Variants in ITIH5 observed in about 807,000 individuals in gnomAD.
ITIH5 encodes the protein inter-alpha-trypsin inhibitor heavy chain 5, also known as inter-alpha-trypsin inhibitor heavy chain H5.
ITIH5 carries 65 observed loss-of-function variants against 77.5 expected under a neutral mutation model. The ratio of observed to expected loss-of-function variants is 0.84; its 90% CI spans 0.69 to 1.03. The LOEUF is 1.03. Ranked by LOEUF, ITIH5 falls within the 50% of genes least tolerant of loss-of-function variation. The pLI, the probability that ITIH5 is intolerant of heterozygous loss-of-function variation, is 0.00. For synonymous variants in ITIH5, 525 were observed against 494.3 expected (o/e 1.06, Z -0.82); for missense variants, 1,208 against 1,213.1 (o/e 1.00, Z 0.06).
intron 10 of ITIH5, among the ~76,000 whole-genome samples, chr10:7,575,719 C>T (rs191511611): frequency 1.3e-5 from 2 of 152,130 alleles, no homozygotes; most frequent in African/African-American, 4.8e-5. Flanking sequence ...CACATGCTCT[C>T]GGGGAAATAA....
At chr10:7,650,951 A>G (rs920098590) in intron 2 of ITIH5, among the ~76,000 whole-genome samples, 1 of 151,976 alleles carries the variant, frequency 6.6e-6, no homozygotes, top group South Asian at 2.1e-4. Context: ...TGCCATTTTT[A>G]TTTTTATACA....
In ITIH5 at chr10:7,637,276, CCTCCAGGGATGCGATGCCCGCGCT is replaced by C; in HGVS notation, c.580_603del (p.Ser194_Glu201del). On this transcript the variant is annotated inframe_deletion, in exon 5 of 14. Transcript: ENST00000397146. Reference sequence around the variant, plus strand: ...TGCCTGCTGTTGTGAAGCGGCAGCACCTCCAGGGATGCGATGCCCGCGCTCTCCAGGATATTCACGTCCACGCTC... The same window carrying C: ...TGCCTGCTGTTGTGAAGCGGCAGCACCTCCAGGATATTCACGTCCACGCTC... 1 of 1,611,998 alleles carries C rather than the reference CCTCCAGGGATGCGATGCCCGCGCT, an allele frequency of 6.2e-7. No homozygotes were observed. The highest frequency in any genetic ancestry group is 8.5e-7 in the Non-Finnish European group (1 of 1,180,016).
At chr10:7,632,219 G>C (rs985724366) in intron 5 of ITIH5, among the ~76,000 whole-genome samples, 7 of 152,174 alleles carry the variant, frequency 4.6e-5, no homozygotes, top group African/African-American at 9.7e-5. Context: ...ATCTGAATTA[G>C]CTGCAGTGCT....
At position 7,615,994 on chromosome 10, in the gene ITIH5, G is replaced by C. The variant is rs147507077; in HGVS notation, c.927C>G (p.Thr309=). The C allele has an allele frequency of 6.2e-6, 10 of 1,601,996 alleles. No homozygotes were observed. The highest frequency in any genetic ancestry group is 8.6e-6 in the Non-Finnish European group (10 of 1,169,220). ...GGCACTCACTCACCTGCCGGAGTTT[G>C]GTTCCCACCATAGAAGCACTGCTGT... ...VLDSSASMVG[T]KLRQTKDALF... The change falls in exon 7 of 14, where the codon ACC becomes ACG. Residue 309 remains threonine (T), a synonymous_variant. Coordinates refer to ENST00000397146, the MANE Select transcript of ITIH5 (RefSeq NM_030569.7).
At chr10:7,608,096 A>T (rs1833168101) in intron 7 of ITIH5, among the ~76,000 whole-genome samples, 1 of 152,126 alleles carries the variant, frequency 6.6e-6, no homozygotes. Context: ...CCAGTCTTTC[A>T]GGCATGCACT....
At chr10:7,580,123 G>T in intron 8 of ITIH5, 59 bp from the exon 9 acceptor site, 1 of 1,402,300 alleles carries the variant, frequency 7.1e-7, no homozygotes, top group Non-Finnish European at 9.7e-7. Context: ...CACTCTGATT[G>T]CACTTTCTTT....
intron 4 of ITIH5, among the ~76,000 whole-genome samples, chr10:7,639,129 A>G (rs1833844476): frequency 2.0e-5 from 3 of 152,214 alleles, no homozygotes; most frequent in Admixed American, 6.5e-5. Flanking sequence ...AGTCTAACAG[A>G]GTTAGGTTTT....
chr10:7,565,800 A>C (rs1006033929), intron 13 of ITIH5, among the ~76,000 whole-genome samples: 1 of 149,280 alleles, frequency 6.7e-6, no homozygotes, highest in African/African-American at 2.4e-5. Flanking sequence ...TATAATACAT[A>C]TATACATATA....
chr10:7,664,628 G>A (rs754162837), intron 1 of ITIH5, among the ~76,000 whole-genome samples: 3 of 152,104 alleles, frequency 2.0e-5, no homozygotes, highest in Non-Finnish European at 2.9e-5. Context: ...TGGGGTGAAG[G>A]GTGAGAGGTG....
chr10:7,603,327 C>T (rs989880395), intron 7 of ITIH5, among the ~76,000 whole-genome samples: 4 of 152,074 alleles, frequency 2.6e-5, no homozygotes, highest in South Asian at 2.1e-4. Flanking sequence ...TCCATTTATA[C>T]GAAATGTCTG....
chr10:7,580,020 T>C lies in ITIH5; in HGVS notation c.1153A>G (p.Asn385Asp). The C allele has an allele frequency of 6.2e-7, 1 of 1,612,836 alleles. No homozygotes were observed. The highest frequency in any genetic ancestry group is 1.3e-5 in the African/African-American group (1 of 75,026). The change falls in exon 9 of 14, where the codon AAC (asparagine) becomes GAC (aspartate). Residue 385 changes from asparagine to aspartate, a missense_variant. Transcript: ENST00000397146. ...ATGCCACTGTGGGCCACGTACTTGT[T>C]GAGGAGCCTGATGGCCCTCTGCAGG... ...GALQRAIRLLNKYVAHSGIGD... is the reference protein window; with the variant it reads ...GALQRAIRLLDKYVAHSGIGD...
At position 7,562,794 on chromosome 10, in the gene ITIH5, C is replaced by G. The variant is rs9329; in HGVS notation, c.*289G>C. The G allele has an allele frequency of 0.081, 34,575 of 429,080 alleles. 1,610 individuals are homozygous for G. Among genetic ancestry groups the G allele is most frequent in the Middle Eastern group, 0.11 (175 of 1,550 alleles). The allele number at this position is 429,080 out of a possible 1,614,324, so 26.6% of individuals were successfully genotyped here. A position where few individuals can be genotyped will look rare whatever the true frequency, so the allele number is the denominator to read the frequency against. On this transcript the variant is annotated 3_prime_UTR_variant, in exon 14 of 14. Coordinates refer to ENST00000397146, the MANE Select transcript of ITIH5 (RefSeq NM_030569.7). ...AAAGCAGGTTGGGACAAGATACAGACTTTGTTGCATTTAGCTATGACCCTT... is the reference window on the plus strand; with the variant it reads ...AAAGCAGGTTGGGACAAGATACAGAGTTTGTTGCATTTAGCTATGACCCTT...
chr10:7,630,076 A>G (rs1833688652), intron 5 of ITIH5, among the ~76,000 whole-genome samples: 1 of 152,266 alleles, frequency 6.6e-6, no homozygotes, highest in South Asian at 2.1e-4. Flanking sequence ...TGTAAAGTTA[A>G]GAATAATGCT....
At chr10:7,589,333 G>A (rs1386201958) in intron 7 of ITIH5, among the ~76,000 whole-genome samples, 2 of 152,036 alleles carry the variant, frequency 1.3e-5, no homozygotes, top group African/African-American at 2.4e-5. Context: ...GGTGGCACGC[G>A]CCTGTAATCC....
At chr10:7,594,142 AAGT>A (rs1341472659) in intron 7 of ITIH5, among the ~76,000 whole-genome samples, 4 of 152,362 alleles carry the variant, frequency 2.6e-5, no homozygotes, top group African/African-American at 7.2e-5. Flanking sequence ...AGAGAGGCAG[AAGT>A]TGTGTCCTCT....
chr10:7,643,337 C>T (rs1440297131), intron 2 of ITIH5, among the ~76,000 whole-genome samples: 1 of 152,188 alleles, frequency 6.6e-6, no homozygotes, highest in Non-Finnish European at 1.5e-5. Flanking sequence ...GACATTACCC[C>T]ATGACAGTCT....
At chr10:7,663,166 G>A (rs942396027) in intron 1 of ITIH5, among the ~76,000 whole-genome samples, 29 of 152,144 alleles carry the variant, frequency 1.9e-4, no homozygotes, top group Admixed American at 9.8e-4. Context: ...TTTGGTGTTC[G>A]GCACACCTAC....
At chr10:7,627,815 C>A (rs1040483098) in intron 5 of ITIH5, among the ~76,000 whole-genome samples, 11 of 129,866 alleles carry the variant, frequency 8.5e-5, no homozygotes, top group African/African-American at 2.3e-4. Flanking sequence ...TCTCACAGAA[C>A]ATGAAATTAA....
intron 2 of ITIH5, among the ~76,000 whole-genome samples, chr10:7,642,658 G>A (rs907010639): frequency 6.6e-6 from 1 of 152,126 alleles, no homozygotes; most frequent in African/African-American, 2.4e-5. Flanking sequence ...TTAGAACCCA[G>A]AAAAAGGAAC....
Sources: allele counts gnomAD v4.1 joint callset (sites outside exome capture counted in the v4.1 genomes callset), GRCh38; gene constraint gnomAD v4.1.1; transcripts MANE v1.5; gene names NCBI Gene and HGNC (gene_info 2026-07-23, HGNC 2026-07-21).